Variants in CMTM6 observed in about 807,000 individuals in gnomAD.
CMTM6 encodes CKLF-like MARVEL transmembrane domain-containing protein 6.
In CMTM6, 5 loss-of-function variants were observed where a neutral mutation model predicts 13.6. The observed-to-expected ratio is 0.37, with a 90% CI of 0.19 to 0.77. CMTM6 has a LOEUF of 0.77. CMTM6 is among the 30% of genes least tolerant of loss of function. The pLI is 0.50. For missense variants in CMTM6, 196 were observed against 218.6 expected (o/e 0.90, Z 0.65); for synonymous variants, 99 against 84.5 (o/e 1.17, Z -0.94).
rs79115469 is a variant in CMTM6, at chr3:32,489,811, G to A, written c.316-1775C>T. Among the ~76,000 whole-genome samples the A allele has an allele frequency of 8.0e-4, 121 of 152,068 alleles. 1 individual carries two copies. The East Asian group carries it at 0.022, about 28-fold the overall frequency. On this transcript the variant is annotated intron_variant, in intron 2 of 3. Transcript: ENST00000205636. ...AATACATTCAAGTTAATTGAAACAA[G>A]ACAATCATTTTTAGACCATAATGTA...
Position 32,483,844 on chromosome 3 carries a change from T to C in CMTM6, c.*116A>G, listed in dbSNP as rs1039479349. The C allele has an allele frequency of 4.6e-6, 5 of 1,078,774 alleles. No homozygotes were observed. In the Admixed American group the frequency reaches 1.5e-4, roughly 33 times the overall value. The allele number at this position is 1,078,774 out of a possible 1,614,324, so 66.8% of individuals were successfully genotyped here. A position where few individuals can be genotyped will look rare whatever the true frequency, so the allele number is the denominator to read the frequency against. On this transcript the variant is annotated 3_prime_UTR_variant, in exon 4 of 4. Coordinates refer to ENST00000205636, the MANE Select transcript of CMTM6 (RefSeq NM_017801.3). ...TAAAACTGCCTTCTTGACCTTCCCC[T>C]TGCTCTCCAAAAGAAGTGGTTTAAA...
chr3:32,491,101 C>G (rs1386232968), intron 2 of CMTM6, among the ~76,000 whole-genome samples: 2 of 152,200 alleles, frequency 1.3e-5, no homozygotes, highest in African/African-American at 2.4e-5. Context: ...CATGACAGCA[C>G]CTCAAGATGG....
At chr3:32,485,842 A>G (rs1697198758) in intron 3 of CMTM6, among the ~76,000 whole-genome samples, 1 of 152,232 alleles carries the variant, frequency 6.6e-6, no homozygotes, top group South Asian at 2.1e-4. Flanking sequence ...AGTTTTAATG[A>G]TGTATTAGCT....
rs146861398 is a variant in CMTM6, at chr3:32,495,818, C to T, written c.139-3932G>A. ...ACAGGTGGCATTCCTACTGACCTTA[C>T]TGACCTATTGCCTCAGAGCAATAGC... On this transcript the variant is annotated intron_variant, in intron 1 of 3. Transcript: ENST00000205636. 2.1e-3 allele frequency among the ~76,000 whole-genome samples: 322 copies of T among 152,344 alleles called. 1 individual carries two copies. The highest frequency in any genetic ancestry group is 6.9e-3 in the African/African-American group (287 of 41,576).
At chr3:32,484,305 T>C (rs1052398495) in intron 3 of CMTM6, among the ~76,000 whole-genome samples, 12 of 152,220 alleles carry the variant, frequency 7.9e-5, no homozygotes, top group African/African-American at 2.9e-4. Context: ...TAATGGCTAT[T>C]AGTCAAAGTC....
chr3:32,502,699 C>G lies in CMTM6; in HGVS notation c.47G>C (p.Gly16Ala), dbSNP rs777381010. ...GCCGCTCCGGGGGCCTCTGGCGGGGCCCGGGTCCTCCTCCGTAGTGGGGCT... is the reference window on the plus strand; with the variant it reads ...GCCGCTCCGGGGGCCTCTGGCGGGGGCCGGGTCCTCCTCCGTAGTGGGGCT... ...VYSPTTEEDP[G>A]PARGPRSGLA... is the part of the protein sequence containing the mutation. Residue 16 changes from glycine to alanine, a missense_variant, in exon 1 of 4, where the codon GGC becomes GCC. Gly to Ala is a moderately conservative substitution (Grantham distance 60). Around this residue, in one of 2 missense-constraint regions of CMTM6, gnomAD observed 85 missense variants for 58.7 expected, o/e 1.45. Coordinates refer to ENST00000205636, the MANE Select transcript of CMTM6 (RefSeq NM_017801.3). 91 of 1,583,482 alleles carry G rather than the reference C, an allele frequency of 5.7e-5. No individual in the cohort carries two copies. In the Admixed American group the frequency reaches 1.6e-3, roughly 28 times the overall value.
intron 1 of CMTM6, 53 bp downstream of exon 1, chr3:32,502,555 G>A (rs766629780): frequency 1.9e-5 from 30 of 1,554,466 alleles, no homozygotes; most frequent in Admixed American, 1.3e-4. Context: ...TCCCAAGCCC[G>A]GGCCAGACCC....
rs1255250165 is a variant in CMTM6, at chr3:32,481,673, A to G, written c.*2287T>C. The G allele has an allele frequency of 6.6e-6, 1 of 152,196 alleles. No individual in the cohort carries two copies. Among genetic ancestry groups the G allele is most frequent in the Non-Finnish European group, 1.5e-5 (1 of 68,034 alleles). 9.4% of individuals were successfully genotyped at this position (152,196 alleles called of 1,614,324 possible). ...GTTCCCCTTGAACTTATTTACTACAATGGTCTTTTTACTCCTATTTATTTC... is the reference window on the plus strand; with the variant it reads ...GTTCCCCTTGAACTTATTTACTACAGTGGTCTTTTTACTCCTATTTATTTC... On this transcript the variant is annotated 3_prime_UTR_variant, in exon 4 of 4. Transcript: ENST00000205636.
At chr3:32,497,566 A>G (rs1697307196) in intron 1 of CMTM6, among the ~76,000 whole-genome samples, 1 of 150,586 alleles carries the variant, frequency 6.6e-6, no homozygotes, top group Admixed American at 6.6e-5. Context: ...AAAAGAAAAA[A>G]GTGTAAAAGT....
intron 2 of CMTM6, 76 bp from the exon 3 acceptor site, chr3:32,488,112 T>C (rs527763971): frequency 2.8e-6 from 3 of 1,055,866 alleles, no homozygotes; most frequent in Non-Finnish European, 4.2e-6. Context: ...ATTTTTAACT[T>C]TAAAAAGCTC....
rs758194560 is a variant in CMTM6 at position 32,502,686 on chromosome 3, G to A, written c.60C>T (p.Gly20=). The stretch of plus-strand genomic sequence containing the variant: ...AGTAGGCAGCGAGGCCGCTCCGGGG[G>A]CCTCTGGCGGGGCCCGGGTCCTCCT... ...TTEEDPGPAR[G]PRSGLAAYFF... The change falls in exon 1 of 4, where the codon GGC becomes GGT. Residue 20 remains glycine (G), a synonymous_variant. Transcript: ENST00000205636. The A allele has an allele frequency of 8.2e-6, 13 of 1,587,196 alleles. No individual in the cohort carries two copies. In the African/African-American group the frequency reaches 1.4e-4, roughly 16 times the overall value.
intron 1 of CMTM6, among the ~76,000 whole-genome samples, 190 bp downstream of exon 1, chr3:32,502,418 C>A (rs1343273168): frequency 1.3e-5 from 2 of 152,200 alleles, no homozygotes; most frequent in Non-Finnish European, 2.9e-5. Flanking sequence ...AGCCTTGGGA[C>A]TGAGGGGCCG....
intron 1 of CMTM6, among the ~76,000 whole-genome samples, chr3:32,499,542 AAAAC>A (rs1469470487): frequency 6.6e-6 from 1 of 152,218 alleles, no homozygotes; most frequent in African/African-American, 2.4e-5. Flanking sequence ...TTCTCCCCTT[AAAAC>A]AAAAACTCCC....
chr3:32,493,627 T>C (rs1222741255), intron 1 of CMTM6, among the ~76,000 whole-genome samples: 1 of 152,080 alleles, frequency 6.6e-6, no homozygotes. Context: ...TGAGGAAAGA[T>C]AGCCTTATGT....
intron 1 of CMTM6, among the ~76,000 whole-genome samples, chr3:32,499,445 C>T (rs1270442705): frequency 1.3e-5 from 2 of 152,266 alleles, no homozygotes; most frequent in South Asian, 2.1e-4. Context: ...AGCATGGATA[C>T]AATGTGGAGC....
intron 2 of CMTM6, 100 bp from the exon 3 acceptor site, chr3:32,488,136 G>T (rs1697221039): frequency 3.6e-6 from 3 of 825,136 alleles, no homozygotes; most frequent in Non-Finnish European, 5.7e-6. Flanking sequence ...CTACTTACTT[G>T]TTTTTCTTGA....
At chr3:32,500,199 T>G (rs540863417) in intron 1 of CMTM6, among the ~76,000 whole-genome samples, 2 of 152,350 alleles carry the variant, frequency 1.3e-5, no homozygotes, top group South Asian at 4.1e-4. Flanking sequence ...GTTTCCTTAC[T>G]GGAGCTCGCA....
intron 2 of CMTM6, 43 bp downstream of exon 2, chr3:32,491,667 C>T: frequency 6.8e-7 from 1 of 1,475,514 alleles, no homozygotes. Flanking sequence ...TGCCAGATTA[C>T]AAAACAGCTA....
chr3:32,497,583 G>A (rs1447706004), intron 1 of CMTM6, among the ~76,000 whole-genome samples: 1 of 151,108 alleles, frequency 6.6e-6, no homozygotes, highest in Non-Finnish European at 1.5e-5. Context: ...AAGTTGGCCG[G>A]GCGCGGTGGC....
Sources: allele counts gnomAD v4.1 joint callset (sites outside exome capture counted in the v4.1 genomes callset), GRCh38; gene constraint gnomAD v4.1.1; regional missense constraint gnomAD v4.1.1; transcripts MANE v1.5; gene names NCBI Gene and HGNC (gene_info 2026-07-23, HGNC 2026-07-21).